Variants in BCL2L1 observed in about 807,000 individuals in gnomAD.
The protein encoded by BCL2L1 is BCL2 like 1, also known as bcl-2-like protein 1.
A neutral mutation model predicts 18.7 loss-of-function variants in BCL2L1; 1 was observed. That is an observed-to-expected ratio of 0.05 (90% CI 0.02 to 0.25). The LOEUF is 0.25. Among genes scored for constraint, BCL2L1 ranks in the 10% least tolerant of loss-of-function variants. BCL2L1 has a pLI of 1.00. For missense variants in BCL2L1, 207 were observed against 304.9 expected, an observed-to-expected ratio of 0.68 and a Z score of 2.39; for synonymous variants, 103 against 122.7, an observed-to-expected ratio of 0.84 and a Z score of 1.06.
chr20:31,666,197 C>T (rs762443576), intron 2 of BCL2L1, 111 bp from the exon 3 acceptor site: 1 of 1,363,850 alleles, frequency 7.3e-7, no homozygotes. Context: ...AAAACTGTAG[C>T]CATCTGTGCC....
intron 2 of BCL2L1, chr20:31,713,234 A>C: frequency 2.1e-6 from 2 of 967,266 alleles, no homozygotes; most frequent in Non-Finnish European, 2.5e-6. Flanking sequence ...AGCCTAGGGT[A>C]GGGGGTAATG....
chr20:31,704,072 A>C (rs2061330616), intron 2 of BCL2L1, among the ~76,000 whole-genome samples: 1 of 149,076 alleles, frequency 6.7e-6, no homozygotes, highest in Admixed American at 6.7e-5. Context: ...TGCTGGGATT[A>C]CAGGCATGAG....
intron 2 of BCL2L1, among the ~76,000 whole-genome samples, chr20:31,682,621 T>TC (rs938433726): frequency 6.6e-6 from 1 of 151,930 alleles, no homozygotes; most frequent in African/African-American, 2.4e-5. Context: ...AATTTTTTTT[T>TC]CTTTTTCTTT....
chr20:31,689,123 A>T (rs959452885), intron 2 of BCL2L1, among the ~76,000 whole-genome samples: 1 of 149,216 alleles, frequency 6.7e-6, no homozygotes, highest in African/African-American at 2.5e-5. Flanking sequence ...CATGCCTGTA[A>T]TCTCAGCACT....
intron 2 of BCL2L1, among the ~76,000 whole-genome samples, chr20:31,669,409 G>T (rs1292360539): frequency 2.7e-5 from 4 of 150,450 alleles, no homozygotes; most frequent in Non-Finnish European, 5.9e-5. Context: ...CTCATAACTA[G>T]ATTCTGTACT....
intron 2 of BCL2L1, among the ~76,000 whole-genome samples, chr20:31,695,528 AG>A (rs1480168016): frequency 1.3e-5 from 2 of 152,218 alleles, no homozygotes; most frequent in Non-Finnish European, 2.9e-5. Flanking sequence ...GTGGAGGGAC[AG>A]GATCATAGCT....
chr20:31,667,484 CGTGTGTGTGT>C (rs3073682), intron 2 of BCL2L1, among the ~76,000 whole-genome samples: 2 of 135,266 alleles, frequency 1.5e-5, no homozygotes, highest in Admixed American at 7.3e-5. Context: ...ACCATAGTAC[CGTGTGTGTGT>C]GTGTGTGTGT....
chr20:31,698,280 G>T (rs950810589), intron 2 of BCL2L1, among the ~76,000 whole-genome samples: 2 of 152,016 alleles, frequency 1.3e-5, no homozygotes, highest in African/African-American at 4.8e-5. Context: ...TTGCTCTGTC[G>T]CCCAGGTTGG....
Position 31,722,019 on chromosome 20 carries a change from C to A in BCL2L1, c.200G>T (p.Gly67Val), listed in dbSNP as rs763397770. Residue 67 changes from glycine to valine, a missense_variant, in exon 2 of 3, where the codon GGA becomes GTA. Physicochemically the swap from Gly to Val is moderately radical, Grantham distance 109. Transcript: ENST00000307677. Reference sequence around the variant, plus strand: ...CAAACTGCTGCTGTGGCCAGTGGCTCCATTCACCGCGGGGCTGTCTGCCAG... The same window carrying A: ...CAAACTGCTGCTGTGGCCAGTGGCTACATTCACCGCGGGGCTGTCTGCCAG... ...WHLADSPAVN[G>V]ATGHSSSLDA... The A allele has an allele frequency of 1.2e-6, 2 of 1,613,208 alleles. No individual in the cohort carries two copies. Among genetic ancestry groups the A allele is most frequent in the Non-Finnish European group, 1.7e-6 (2 of 1,179,386 alleles).
intron 2 of BCL2L1, among the ~76,000 whole-genome samples, chr20:31,695,760 C>T (rs887513579): frequency 6.6e-6 from 1 of 152,106 alleles, no homozygotes; most frequent in Non-Finnish European, 1.5e-5. Context: ...TTTTGTTTTA[C>T]GGCTTGCTGT....
At chr20:31,684,683 CA>C (rs2060925889) in intron 2 of BCL2L1, among the ~76,000 whole-genome samples, 1 of 152,226 alleles carries the variant, frequency 6.6e-6, no homozygotes, top group Non-Finnish European at 1.5e-5. Flanking sequence ...CTCCCAAACC[CA>C]CTCCACCCAT....
At chr20:31,717,253 G>A (rs910043387) in intron 2 of BCL2L1, among the ~76,000 whole-genome samples, 2 of 152,184 alleles carry the variant, frequency 1.3e-5, no homozygotes, top group Admixed American at 6.5e-5. Flanking sequence ...AGAGGAGGAC[G>A]CTCAAGCCCA....
chr20:31,668,888 A>G (rs1221296272), intron 2 of BCL2L1, among the ~76,000 whole-genome samples: 1 of 150,878 alleles, frequency 6.6e-6, no homozygotes, highest in African/African-American at 2.4e-5. Flanking sequence ...TACAGGCATG[A>G]GCCACCATGC....
At chr20:31,678,695 C>A (rs1199959926) in intron 2 of BCL2L1, among the ~76,000 whole-genome samples, 1 of 152,222 alleles carries the variant, frequency 6.6e-6, no homozygotes, top group East Asian at 1.9e-4. Context: ...TATGACCAGG[C>A]AGACTCCTGG....
intron 2 of BCL2L1, among the ~76,000 whole-genome samples, chr20:31,666,475 C>T (rs1024167818): frequency 2.0e-5 from 3 of 152,056 alleles, no homozygotes; most frequent in Non-Finnish European, 4.4e-5. Flanking sequence ...AGAGCCAGAC[C>T]ATACGTGGCC....
chr20:31,723,162 C>A, upstream of BCL2L1: 1 of 460,752 alleles, frequency 2.2e-6, no homozygotes, highest in Non-Finnish European at 2.9e-6. Flanking sequence ...GAAGGCCACC[C>A]CCAGGCCTGT....
At position 31,679,681 on chromosome 20, in the gene BCL2L1, G is replaced by A. The variant is rs978750435; in HGVS notation, c.565-13595C>T. ...TATTATTATCGTTATTAATTGAGAC[G>A]AAGTCTCACTCTGTCTCTGTCGCCC... is the stretch of plus-strand genomic sequence containing the variant. On this transcript the variant is annotated intron_variant, in intron 2 of 2. Transcript: ENST00000307677. Among the ~76,000 whole-genome samples the A allele has an allele frequency of 5.3e-5, 8 of 152,290 alleles. No homozygotes were observed. The East Asian group carries it at 5.8e-4, about 11-fold the overall frequency.
intron 2 of BCL2L1, among the ~76,000 whole-genome samples, chr20:31,716,292 TGCA>T (rs2061535979): frequency 6.6e-6 from 1 of 152,198 alleles, no homozygotes; most frequent in South Asian, 2.1e-4. Flanking sequence ...CTTTTAAAAC[TGCA>T]GCCCCACCCT....
At chr20:31,723,592 G>C, upstream of BCL2L1, 1 of 985,334 alleles carries the variant, frequency 1.0e-6, no homozygotes, top group Non-Finnish European at 1.2e-6. Flanking sequence ...GCGCCCCCTA[G>C]ACCTTCCTGA....
Sources: gnomAD v4.1 joint callset for allele counts (sites outside exome capture counted in the v4.1 genomes callset) on GRCh38, gnomAD v4.1.1 for gene constraint, MANE v1.5 for transcripts, NCBI Gene and HGNC (gene_info 2026-07-23, HGNC 2026-07-21) for gene names.